Variants in CHD4 observed in about 807,000 individuals in gnomAD.
CHD4 encodes chromodomain helicase DNA binding protein 4, also known as ATP-dependent chromatin remodeler CHD4.
In CHD4, 35 loss-of-function variants were observed where a neutral mutation model predicts 235.5. The observed-to-expected ratio is 0.15, with a 90% CI of 0.11 to 0.20. The LOEUF (loss-of-function observed/expected upper bound fraction) is 0.20. Ranked by LOEUF, CHD4 falls within the 10% of genes least tolerant of loss-of-function variation. The pLI, the probability that CHD4 is intolerant of heterozygous loss-of-function variation, is 1.00. For synonymous variants in CHD4, 900 were observed against 850.2 expected (o/e 1.06, Z -1.02); for missense variants, 1,329 against 2,432.3 (o/e 0.55, Z 9.54).
intron 3 of CHD4, 33 bp downstream of exon 3, chr12:6,602,343 C>T (rs2136225978): frequency 6.2e-7 from 1 of 1,611,224 alleles, no homozygotes; most frequent in East Asian, 2.2e-5. Context: ...CCTTCTTCCT[C>T]TGATTCCCCG....
At chr12:6,576,877 T>C (rs755519328) in intron 37 of CHD4, among the ~76,000 whole-genome samples, 8 of 152,152 alleles carry the variant, frequency 5.3e-5, no homozygotes, top group Non-Finnish European at 8.8e-5. Flanking sequence ...ACATAATACC[T>C]GAAGGCTTAT....
intron 37 of CHD4, 51 bp from the exon 38 acceptor site, chr12:6,573,320 T>G: frequency 6.9e-7 from 1 of 1,455,922 alleles, no homozygotes; most frequent in Non-Finnish European, 9.1e-7. Context: ...CTCACTTTAC[T>G]CACTTCTGAC....
In CHD4 at chr12:6,606,285, G is replaced by C; in HGVS notation, c.89C>G (p.Pro30Arg). 6.3e-7 allele frequency: 1 copy of C among 1,576,640 alleles called. No homozygotes were observed. Among genetic ancestry groups the C allele is most frequent in the Non-Finnish European group, 8.6e-7 (1 of 1,161,296 alleles). Residue 30 changes from proline to arginine, a missense_variant, in exon 2 of 40, where the codon CCA (proline) becomes CGA (arginine). This residue lies in a region of CHD4 where 213 missense variants were observed against 177.5 expected (regional missense o/e 1.20). Coordinates refer to ENST00000544040, the MANE Select transcript of CHD4 (RefSeq NM_001273.5). ...GGGGAAGATGTTACCTGGGTGGGGT[G>C]GGGGCAGGCTGTTGTTCAAAAGTGC... Reference protein sequence around the residue: ...MDALLNNSLPPPHPENEEDPE... With the variant: ...MDALLNNSLPRPHPENEEDPE...
At chr12:6,597,122 A>AC (rs1948513387) in intron 12 of CHD4, among the ~76,000 whole-genome samples, 1 of 150,302 alleles carries the variant, frequency 6.7e-6, no homozygotes, top group African/African-American at 2.5e-5. Flanking sequence ...ACAAAAAAAA[A>AC]AAAATTAGCC....
intron 8 of CHD4, 45 bp from the exon 9 acceptor site, chr12:6,600,440 C>G (rs748916163): frequency 1.2e-4 from 199 of 1,609,202 alleles, no homozygotes; most frequent in Non-Finnish European, 1.6e-4. Context: ...AAAAAACTAC[C>G]TCCCCCCACC....
intron 14 of CHD4, 141 bp from the exon 15 acceptor site, chr12:6,594,791 T>C: frequency 1.4e-6 from 1 of 692,656 alleles, no homozygotes; most frequent in Non-Finnish European, 2.4e-6. Context: ...AGATCCCCTA[T>C]GATTACTGCA....
chr12:6,602,581 AT>A (rs1475943130), intron 2 of CHD4, 84 bp from the exon 3 acceptor site: 1 of 1,517,894 alleles, frequency 6.6e-7, no homozygotes, highest in Non-Finnish European at 9.0e-7. Context: ...TTTAGACTTT[AT>A]TCCCCACCTC....
intron 33 of CHD4, chr12:6,580,358 A>G (rs1293171607): frequency 6.6e-6 from 1 of 152,166 alleles, no homozygotes; most frequent in Non-Finnish European, 1.5e-5. Flanking sequence ...ATATCTCTAC[A>G]GCCCCAGCAA....
Position 6,570,402 on chromosome 12 carries a change from AGGCGTTACAGTG to A in CHD4, c.*262_*273del. The A allele has an allele frequency of 2.0e-6, 1 of 504,714 alleles. No individual in the cohort carries two copies. Among genetic ancestry groups the A allele is most frequent in the Non-Finnish European group, 3.5e-6 (1 of 283,744 alleles). The allele number at this position is 504,714 out of a possible 1,614,324, so 31.3% of individuals were successfully genotyped here. On this transcript the variant is annotated 3_prime_UTR_variant, in exon 40 of 40. Coordinates refer to ENST00000544040, the MANE Select transcript of CHD4 (RefSeq NM_001273.5). ...GAACCCACAACAGTTTGTGTGTAAC[AGGCGTTACAGTG>A]GGGAGAAGCCAGGGTCCAGAAGGCC...
At position 6,593,599 on chromosome 12, in the gene CHD4, G is replaced by C; in HGVS notation, c.2331C>G (p.Pro777=). The change falls in exon 16 of 40, where the codon CCC becomes CCG. Residue 777 remains proline (P), a synonymous_variant. Coordinates refer to ENST00000544040, the MANE Select transcript of CHD4 (RefSeq NM_001273.5). This position sits in a 1 kb window ranked among gnomAD's most constrained non-coding sequence, Gnocchi z 4.9. Reference sequence around the variant, plus strand: ...TAGAAAGAGGGGCGCTCACTAGGAAGGGGCCTTTGGAATGACCCTTTGAGA... The same window carrying C: ...TAGAAAGAGGGGCGCTCACTAGGAACGGGCCTTTGGAATGACCCTTTGAGA... ...SLYKEGHSKG[P]FLVSAPLSTI... is the part of the protein sequence containing the mutation. The C allele has an allele frequency of 6.2e-7, 1 of 1,614,166 alleles. No homozygotes were observed. Among genetic ancestry groups the C allele is most frequent in the Non-Finnish European group, 8.5e-7 (1 of 1,180,042 alleles).
intron 10 of CHD4, 47 bp downstream of exon 10, chr12:6,599,726 A>G (rs1321692209): frequency 4.3e-6 from 7 of 1,612,652 alleles, no homozygotes; most frequent in Non-Finnish European, 5.9e-6. Flanking sequence ...TACATAGAAA[A>G]GACTACACTT....
At chr12:6,595,254 C>T in intron 14 of CHD4, 80 bp downstream of exon 14, 7 of 1,221,156 alleles carry the variant, frequency 5.7e-6, no homozygotes, top group Non-Finnish European at 8.3e-6. Flanking sequence ...CATTTCATTA[C>T]TTAAGAGTAC....
At position 6,592,553 on chromosome 12, in the gene CHD4, A is replaced by C; in HGVS notation, c.2788T>G (p.Phe930Val). The change falls in exon 19 of 40, where the codon TTT becomes GTT. Residue 930 changes from phenylalanine (F) to valine (V), a missense_variant. Around this residue, in one of 26 missense-constraint regions of CHD4, gnomAD observed 23 missense variants for 130.0 expected, o/e 0.18. Coordinates refer to ENST00000544040, the MANE Select transcript of CHD4 (RefSeq NM_001273.5). Reference protein sequence around the residue: ...TPERFHNLEGFLEEFADIAKE... With the variant: ...TPERFHNLEGVLEEFADIAKE... The stretch of plus-strand genomic sequence containing the variant: ...GCAATGTCAGCAAACTCCTCCAAAA[A>C]ACCTTCCAAATTGCTTCAGAAAGAA... 1 of 1,587,894 alleles carries C rather than the reference A, an allele frequency of 6.3e-7. No individual in the cohort carries two copies. The highest frequency in any genetic ancestry group is 8.6e-7 in the Non-Finnish European group (1 of 1,163,552).
At chr12:6,591,142 A>AAAAC (rs1948391223) in intron 22 of CHD4, 1 of 176,242 alleles carries the variant, frequency 5.7e-6, no homozygotes, top group Non-Finnish European at 1.1e-5. Context: ...AAAAAAAAAA[A>AAAAC]AAAAAAAAAC....
chr12:6,600,883 T>A (rs757969490), intron 7 of CHD4, 43 bp downstream of exon 7: 1 of 1,536,230 alleles, frequency 6.5e-7, no homozygotes, highest in Admixed American at 2.2e-5. Flanking sequence ...ATCCTTTCTA[T>A]TAGACATGGC....
chr12:6,593,427 A>C lies in CHD4; in HGVS notation c.2503T>G (p.Ser835Ala). Residue 835 changes from serine (S) to alanine (A), a missense_variant, in exon 16 of 40, where the codon TCC becomes GCC. Transcript: ENST00000544040. The surrounding 1 kb of genome is among the most constrained non-coding windows in gnomAD (Gnocchi z 4.9). ...CTCCCCTGAGATACCTTCATGCGGG[A>C]GGCCTTCTTGCCACCACGAATGGCA... is the stretch of plus-strand genomic sequence containing the variant. Reference protein sequence around the residue: ...DNAIRGGKKASRMKKEASVKF... With the variant: ...DNAIRGGKKAARMKKEASVKF... 1 of 1,614,054 alleles carries C rather than the reference A, an allele frequency of 6.2e-7. No individual in the cohort carries two copies. Among genetic ancestry groups the C allele is most frequent in the South Asian group, 1.1e-5 (1 of 91,074 alleles).
chr12:6,571,319 A>C, intron 38 of CHD4: 1 of 345,844 alleles, frequency 2.9e-6, no homozygotes, highest in Non-Finnish European at 5.3e-6. Context: ...CTACCTTCAG[A>C]ATCTGTCTCC....
rs1268683095 is a variant in CHD4 at position 6,601,940 on chromosome 12, G to A, written c.438+20C>T. On this transcript the variant is annotated intron_variant, in intron 4 of 39. Coordinates refer to ENST00000544040, the MANE Select transcript of CHD4 (RefSeq NM_001273.5). ...GACAAAAGTTTAACAGTACAAAGAA[G>A]AGGATGGAGGTCCAGGCACCTTTGA... 1.2e-6 allele frequency: 2 copies of A among 1,606,544 alleles called. No individual in the cohort carries two copies. The highest frequency in any genetic ancestry group is 2.2e-5 in the South Asian group (2 of 91,074).
Position 6,595,340 on chromosome 12 carries a change from T to C in CHD4, c.2115A>G (p.Thr705=), listed in dbSNP as rs1488028153. 1 of 1,613,986 alleles carries C rather than the reference T, an allele frequency of 6.2e-7. No homozygotes were observed. The highest frequency in any genetic ancestry group is 8.5e-7 in the Non-Finnish European group (1 of 1,179,870). Residue 705 remains threonine (T), a synonymous_variant, in exon 14 of 40, where the codon ACA becomes ACG. Coordinates refer to ENST00000544040, the MANE Select transcript of CHD4 (RefSeq NM_001273.5). ...CCCTTCCACCCCCACTCACATCAAC[T>C]GTTGGCGTTTCTGGAGGCCTCTCCA... is the stretch of plus-strand genomic sequence containing the variant. The part of the protein sequence containing the change: ...RKLERPPETP[T]VDPTVKYERQ...
Sources: allele counts gnomAD v4.1 joint callset (sites outside exome capture counted in the v4.1 genomes callset), GRCh38; gene constraint gnomAD v4.1.1; regional missense constraint gnomAD v4.1.1; non-coding constraint Gnocchi (gnomAD v3.1); transcripts MANE v1.5; gene names NCBI Gene and HGNC (gene_info 2026-07-23, HGNC 2026-07-21).